Variants in STAG2 observed in about 807,000 individuals in gnomAD.
STAG2 encodes STAG2 cohesin complex component, also known as cohesin subunit SA-2.
In STAG2, 14 loss-of-function variants were observed where a neutral mutation model predicts 108.1. The observed-to-expected ratio is 0.13, with a 90% CI of 0.09 to 0.20. The LOEUF is 0.20. Ranked by LOEUF, STAG2 falls within the 10% of genes least tolerant of loss-of-function variation. STAG2 has a pLI of 1.00. For missense variants in STAG2, 440 were observed against 940.9 expected, an observed-to-expected ratio of 0.47 and a Z score of 6.96; for synonymous variants, 307 against 302.7, an observed-to-expected ratio of 1.01 and a Z score of -0.15.
chrX:124,069,763 C>T (rs2058622617), intron 24 of STAG2, among the ~76,000 whole-genome samples: 1 of 110,895 alleles, frequency 9.0e-6, no homozygotes, highest in Non-Finnish European at 1.9e-5. Context: ...GAATTCTCTC[C>T]AATTTTACGT....
At chrX:124,086,055 G>A (rs150269686) in intron 29 of STAG2, among the ~76,000 whole-genome samples, 1,339 of 110,876 alleles carry the variant, frequency 0.012, 7 homozygotes, top group Non-Finnish European at 0.017. Flanking sequence ...TTTTATTACT[G>A]TGGGATTACT....
chrX:124,030,567 T>C, intron 4 of STAG2, among the ~76,000 whole-genome samples: 1 of 112,177 alleles, frequency 8.9e-6, no homozygotes, highest in East Asian at 2.8e-4. Flanking sequence ...TGTTGCTAAG[T>C]ACTTTGTGTT....
intron 34 of STAG2, 125 bp downstream of exon 34, chrX:124,095,574 G>GC: frequency 1.9e-6 from 1 of 514,524 alleles, no homozygotes; most frequent in Middle Eastern, 3.4e-4. Context: ...GTGAGAAAAA[G>GC]AGGCAGGCAG....
intron 1 of STAG2, among the ~76,000 whole-genome samples, chrX:124,015,200 A>G (rs2056674618): frequency 9.4e-6 from 1 of 106,025 alleles, no homozygotes; most frequent in African/African-American, 3.4e-5. Flanking sequence ...GTTAGCCAGG[A>G]TGGTCTCGAT....
intron 6 of STAG2, among the ~76,000 whole-genome samples, chrX:124,040,362 C>T (rs1322456906): frequency 9.1e-6 from 1 of 109,918 alleles, no homozygotes; most frequent in African/African-American, 3.3e-5. Context: ...TTTCTCTTTT[C>T]TTTTAAAATA....
chrX:124,099,081 TTA>T (rs1246230722), intron 34 of STAG2, among the ~76,000 whole-genome samples: 4 of 111,993 alleles, frequency 3.6e-5, no homozygotes, highest in African/African-American at 1.3e-4. Context: ...TGAGATTCTC[TTA>T]TTAGAATTAT....
intron 1 of STAG2, among the ~76,000 whole-genome samples, chrX:123,972,255 G>A (rs2054384467): frequency 9.3e-6 from 1 of 108,057 alleles, no homozygotes. Context: ...GACGTTTGGA[G>A]GTTTTGTTGG....
chrX:124,079,135 T>G (rs1302993519), intron 27 of STAG2, among the ~76,000 whole-genome samples: 2 of 105,566 alleles, frequency 1.9e-5, no homozygotes, highest in East Asian at 6.0e-4. Context: ...GGAATGTCCT[T>G]TTTTTTTTTT....
chrX:124,047,942 A>G (rs1486833244), intron 9 of STAG2, among the ~76,000 whole-genome samples: 1 of 112,437 alleles, frequency 8.9e-6, no homozygotes, highest in Non-Finnish European at 1.9e-5. Context: ...ATGACTGACC[A>G]CCAAATTCAA....
intron 5 of STAG2, among the ~76,000 whole-genome samples, chrX:124,033,743 CAA>C (rs1267811518): frequency 9.0e-6 from 1 of 111,714 alleles, no homozygotes; most frequent in African/African-American, 3.3e-5. Context: ...GCCTGGGCAA[CAA>C]GAGTGAAACC....
chrX:124,049,087 TGACA>T lies in STAG2; in HGVS notation c.893+11_893+14del. 8.6e-7 allele frequency: 1 copy of T among 1,165,133 alleles called. No individual in the cohort carries two copies. Among genetic ancestry groups the T allele is most frequent in the Non-Finnish European group, 1.2e-6 (1 of 859,049 alleles). ...TTTGTACATAGATACCGGTAAGTTG[TGACA>T]GTTTTTTTCATAAATAGCATTATGT... is the stretch of plus-strand genomic sequence containing the variant. On this transcript the variant is annotated intron_variant, in intron 10 of 34. Transcript: ENST00000371145.
chrX:124,025,721 T>A, intron 3 of STAG2, 119 bp from the exon 4 acceptor site: 1 of 431,000 alleles, frequency 2.3e-6, no homozygotes, highest in Non-Finnish European at 4.0e-6. Context: ...TTACTTATAA[T>A]GCTAATATGA....
chrX:124,089,202 C>T (rs2059192365), intron 30 of STAG2, among the ~76,000 whole-genome samples: 2 of 112,043 alleles, frequency 1.8e-5, no homozygotes, highest in South Asian at 7.4e-4. Flanking sequence ...AGCCACTACG[C>T]CTGGCCTCAT....
At chrX:123,968,576 C>A (rs2054211209) in intron 1 of STAG2, among the ~76,000 whole-genome samples, 1 of 111,579 alleles carries the variant, frequency 9.0e-6, no homozygotes, top group Non-Finnish European at 1.9e-5. Flanking sequence ...GGGAGGATCA[C>A]TTGAGCCCCA....
chrX:124,012,128 T>C (rs2056541836), intron 1 of STAG2, among the ~76,000 whole-genome samples: 1 of 112,133 alleles, frequency 8.9e-6, no homozygotes, highest in Admixed American at 9.5e-5. Context: ...CAGTCTTGCA[T>C]TTCAGCAATA....
intron 24 of STAG2, 31 bp downstream of exon 24, chrX:124,068,687 T>C: frequency 2.0e-6 from 2 of 995,827 alleles, no homozygotes; most frequent in Non-Finnish European, 2.8e-6. Flanking sequence ...GTAATCTTTT[T>C]GTAAGCAACC....
At chrX:124,078,350 T>C (rs1304649904) in intron 27 of STAG2, among the ~76,000 whole-genome samples, 3 of 105,656 alleles carry the variant, frequency 2.8e-5, no homozygotes, top group Non-Finnish European at 6.1e-5. Context: ...AAATCTACTC[T>C]TTTATCCAAG....
chrX:124,055,737 G>A (rs1036154299), intron 13 of STAG2, among the ~76,000 whole-genome samples: 2 of 111,656 alleles, frequency 1.8e-5, no homozygotes, highest in Admixed American at 9.5e-5. Context: ...ATATTTTGAT[G>A]TAATGTTGTG....
intron 7 of STAG2, 97 bp downstream of exon 7, chrX:124,042,742 G>T: frequency 3.1e-6 from 2 of 638,521 alleles, no homozygotes; most frequent in Non-Finnish European, 4.9e-6. Flanking sequence ...GCTGGGCATG[G>T]TGGCTCATGC....
Sources: allele counts gnomAD v4.1 joint callset (sites outside exome capture counted in the v4.1 genomes callset), GRCh38; gene constraint gnomAD v4.1.1; transcripts MANE v1.5; gene names NCBI Gene and HGNC (gene_info 2026-07-23, HGNC 2026-07-21).